Variants in GRID1 observed in about 807,000 individuals in gnomAD.
GRID1 encodes the protein glutamate ionotropic receptor delta type subunit 1, also known as glutamate receptor ionotropic, delta-1.
GRID1 carries 28 observed loss-of-function variants against 98.0 expected under a neutral mutation model. That is an observed-to-expected ratio of 0.29 (90% confidence interval 0.21 to 0.39). The LOEUF is 0.39. Ranked by LOEUF, GRID1 falls within the 10% of genes least tolerant of loss-of-function variation. The probability of loss-of-function intolerance (pLI) is 1.00; values close to 1 mark genes in which losing one functional copy is unlikely to be tolerated. For missense variants in GRID1, 1,111 were observed against 1,340.5 expected (o/e 0.83, Z 2.67); for synonymous variants, 553 against 538.5 (o/e 1.03, Z -0.37).
At chr10:85,866,625 C>T (rs941664339) in intron 6 of GRID1, among the ~76,000 whole-genome samples, 15 of 152,076 alleles carry the variant, frequency 9.9e-5, no homozygotes, top group African/African-American at 3.4e-4. Context: ...TAGAGATACT[C>T]AACTGTACTG....
intron 2 of GRID1, among the ~76,000 whole-genome samples, chr10:86,346,578 C>T (rs7089327): frequency 1 from 152,322 of 152,348 alleles, 76,148 homozygotes; most frequent in Middle Eastern, 1. Flanking sequence ...AGTGCTAGGA[C>T]TTCTATTCAA....
intron 4 of GRID1, among the ~76,000 whole-genome samples, chr10:85,936,518 T>A (rs1280339364): frequency 5.5e-5 from 8 of 145,914 alleles, no homozygotes; most frequent in South Asian, 2.2e-4. Flanking sequence ...AGCACCAAAC[T>A]AAAAAAAAAA....
chr10:86,104,386 G>A (rs1212608335), intron 4 of GRID1, among the ~76,000 whole-genome samples: 1 of 152,122 alleles, frequency 6.6e-6, no homozygotes, highest in African/African-American at 2.4e-5. Context: ...TCCCACACCT[G>A]TTTCCTCCAA....
At chr10:85,898,092 A>G (rs1318405104) in intron 5 of GRID1, among the ~76,000 whole-genome samples, 1 of 152,238 alleles carries the variant, frequency 6.6e-6, no homozygotes, top group African/African-American at 2.4e-5. Context: ...CCTAGGCTAT[A>G]TGGCATAGCC....
intron 3 of GRID1, among the ~76,000 whole-genome samples, chr10:86,158,826 G>A (rs1045813649): frequency 6.6e-6 from 1 of 152,200 alleles, no homozygotes; most frequent in Non-Finnish European, 1.5e-5. Flanking sequence ...AACTGAGATC[G>A]GCTGTAAGTG....
At chr10:85,733,476 T>C (rs1841847055) in intron 8 of GRID1, among the ~76,000 whole-genome samples, 1 of 152,224 alleles carries the variant, frequency 6.6e-6, no homozygotes, top group Non-Finnish European at 1.5e-5. Context: ...AGTAGACCTA[T>C]GTTCTAATTG....
In GRID1 at chr10:85,821,150, A is replaced by G. The variant is rs1176600915; in HGVS notation, c.1233+33346T>C. Among the ~76,000 whole-genome samples, 2 of 152,112 alleles carry G rather than the reference A, an allele frequency of 1.3e-5. 1 individual carries two copies. Among genetic ancestry groups the G allele is most frequent in the Non-Finnish European group, 2.9e-5 (2 of 68,026 alleles). On this transcript the variant is annotated intron_variant, in intron 8 of 15. Coordinates refer to ENST00000327946, the MANE Select transcript of GRID1 (RefSeq NM_017551.3). ...GTCTCAAAATCACATTCTAGAAGAA[A>G]GAGTAAAAAAAAAGCAAATTATATA...
intron 8 of GRID1, among the ~76,000 whole-genome samples, chr10:85,800,057 T>C (rs1248215751): frequency 6.6e-6 from 1 of 152,008 alleles, no homozygotes; most frequent in African/African-American, 2.4e-5. Context: ...CACTACAGAA[T>C]GTTGAAAGCA....
chr10:85,850,211 G>A (rs74814922), intron 8 of GRID1, among the ~76,000 whole-genome samples: 7,205 of 152,290 alleles, frequency 0.047, 253 homozygotes, highest in Non-Finnish European at 0.071. Flanking sequence ...AAGAGAATGA[G>A]TTGCCTACAC....
chr10:85,727,721 T>C, intron 10 of GRID1, 134 bp downstream of exon 10: 1 of 656,942 alleles, frequency 1.5e-6, no homozygotes, highest in South Asian at 1.8e-5. Context: ...AAAAGAGCCT[T>C]TGTGTGGGGA....
At position 85,602,198 on chromosome 10, in the gene GRID1, G is replaced by A. The variant is rs576028669; in HGVS notation, c.*75C>T. ...GTGTGTGCGAGTGTGTGTGGTTTGT[G>A]TTGTTGTTTTCTTGTATTAAAAAGC... On this transcript the variant is annotated 3_prime_UTR_variant, in exon 16 of 16. Transcript: ENST00000327946. The A allele has an allele frequency of 1.3e-4, 100 of 789,110 alleles. 1 individual carries two copies. Among genetic ancestry groups the A allele is most frequent in the Admixed American group, 6.4e-4 (16 of 24,814 alleles). The allele number at this position is 789,110 out of a possible 1,614,324, so 48.9% of individuals were successfully genotyped here.
chr10:86,021,431 C>A (rs1035732380), intron 4 of GRID1, among the ~76,000 whole-genome samples: 1 of 152,088 alleles, frequency 6.6e-6, no homozygotes, highest in African/African-American at 2.4e-5. Context: ...ATTGATGACA[C>A]CCTGAGATGT....
chr10:85,801,435 T>C (rs1168705179), intron 8 of GRID1, among the ~76,000 whole-genome samples: 5 of 151,910 alleles, frequency 3.3e-5, no homozygotes, highest in Non-Finnish European at 7.4e-5. Flanking sequence ...ACTATTCATT[T>C]TATTTGTCAA....
At chr10:85,906,777 G>A (rs145764512) in intron 5 of GRID1, among the ~76,000 whole-genome samples, 19 of 152,120 alleles carry the variant, frequency 1.2e-4, no homozygotes, top group African/African-American at 4.6e-4. Flanking sequence ...AAAAAGACAG[G>A]TCTTAAATCA....
chr10:85,649,330 A>G (rs866319411), intron 12 of GRID1, among the ~76,000 whole-genome samples: 1 of 152,230 alleles, frequency 6.6e-6, no homozygotes, highest in African/African-American at 2.4e-5. Context: ...TCAATACATT[A>G]CAGATGAAAG....
intron 2 of GRID1, among the ~76,000 whole-genome samples, chr10:86,270,832 T>C (rs1171056264): frequency 6.6e-6 from 1 of 152,170 alleles, no homozygotes; most frequent in Admixed American, 6.5e-5. Flanking sequence ...CAATGGTTTT[T>C]CAAGACATTG....
intron 4 of GRID1, among the ~76,000 whole-genome samples, chr10:86,030,835 G>A (rs958045836): frequency 1.3e-5 from 2 of 152,182 alleles, no homozygotes; most frequent in African/African-American, 4.8e-5. Flanking sequence ...ACATAGACAA[G>A]CAAGCTGGGA....
intron 13 of GRID1, among the ~76,000 whole-genome samples, chr10:85,620,416 A>ACAGGGACTAAGTTCATCAT (rs1196421345): frequency 1.3e-5 from 2 of 152,192 alleles, no homozygotes; most frequent in Admixed American, 6.5e-5. Context: ...GAGATCAGAA[A>ACAGGGACTAAGTTCATCAT]TGTTGGGGAG....
At chr10:86,064,093 A>G (rs1251938383) in intron 4 of GRID1, among the ~76,000 whole-genome samples, 1 of 152,118 alleles carries the variant, frequency 6.6e-6, no homozygotes, top group Non-Finnish European at 1.5e-5. Flanking sequence ...ATGGCTGTTT[A>G]TATATTTATG....
Sources: allele counts gnomAD v4.1 joint callset (sites outside exome capture counted in the v4.1 genomes callset), GRCh38; gene constraint gnomAD v4.1.1; transcripts MANE v1.5; gene names NCBI Gene and HGNC (gene_info 2026-07-23, HGNC 2026-07-21).